ADGRL3: variants seen among roughly 807,000 people sequenced by gnomAD.
ADGRL3 encodes adhesion G protein-coupled receptor L3.
ADGRL3 carries 62 observed loss-of-function variants against 153.5 expected under a neutral mutation model. The ratio of observed to expected loss-of-function variants is 0.40; its 90% CI spans 0.33 to 0.50. ADGRL3 has a LOEUF of 0.50. Among genes scored for constraint, ADGRL3 ranks in the 20% least tolerant of loss-of-function variants. The pLI is 0.47. For missense variants in ADGRL3, 1,641 were observed against 1,859.4 expected (o/e 0.88, Z 2.16); for synonymous variants, 710 against 672.5 (o/e 1.06, Z -0.86).
chr4:61,793,781 CT>C (rs1234340738), intron 8 of ADGRL3, among the ~76,000 whole-genome samples: 1 of 152,046 alleles, frequency 6.6e-6, no homozygotes, highest in Non-Finnish European at 1.5e-5. Flanking sequence ...ATCCCTATTG[CT>C]TTTTTTATAA....
intron 1 of ADGRL3, among the ~76,000 whole-genome samples, chr4:61,362,168 A>G (rs2096293743): frequency 6.6e-6 from 1 of 150,764 alleles, no homozygotes; most frequent in Non-Finnish European, 1.5e-5. Flanking sequence ...ACGCCTGACT[A>G]ATTTTTGTAT....
intron 8 of ADGRL3, among the ~76,000 whole-genome samples, chr4:61,763,190 C>CT (rs771693851): frequency 0.021 from 2,856 of 137,212 alleles, 57 homozygotes; most frequent in African/African-American, 0.038. Context: ...AGTAACATTT[C>CT]TTTTTTTTTT....
At chr4:61,482,429 T>C (rs543957862) in intron 2 of ADGRL3, among the ~76,000 whole-genome samples, 191 of 152,328 alleles carry the variant, frequency 1.3e-3, no homozygotes, top group Non-Finnish European at 2.5e-3. Context: ...ACTTTATTTC[T>C]AGCCGGAGCC....
At chr4:61,632,107 A>G (rs770776845) in intron 5 of ADGRL3, among the ~76,000 whole-genome samples, 17 of 152,198 alleles carry the variant, frequency 1.1e-4, no homozygotes, top group South Asian at 4.1e-4. Context: ...GTCAATTGCT[A>G]TTAATTTTGA....
chr4:62,024,657 A>C (rs1455695193), intron 21 of ADGRL3, among the ~76,000 whole-genome samples: 1 of 152,036 alleles, frequency 6.6e-6, no homozygotes, highest in Non-Finnish European at 1.5e-5. Context: ...CAGGCTGGGC[A>C]CGGTAGCTCA....
At chr4:61,769,240 C>T (rs1056307696) in intron 8 of ADGRL3, among the ~76,000 whole-genome samples, 29 of 151,844 alleles carry the variant, frequency 1.9e-4, no homozygotes, top group Non-Finnish European at 2.8e-4. Flanking sequence ...TTTGGGTTCA[C>T]GGATAAAACA....
intron 5 of ADGRL3, among the ~76,000 whole-genome samples, chr4:61,625,553 C>A (rs560391240): frequency 6.6e-6 from 1 of 152,096 alleles, no homozygotes; most frequent in Admixed American, 6.6e-5. Context: ...ACAACCCTTA[C>A]CTAGATATTT....
chr4:61,979,625 C>G lies in ADGRL3; in HGVS notation c.2868C>G (p.Ser956=), dbSNP rs755995898. 19 of 1,613,760 alleles carry G rather than the reference C, an allele frequency of 1.2e-5. No homozygotes were observed. The South Asian group carries it at 2.0e-4, about 17-fold the overall frequency. Residue 956 remains serine, a synonymous_variant, in exon 18 of 27, where the codon TCC becomes TCG. Coordinates refer to ENST00000683033, the MANE Select transcript of ADGRL3 (RefSeq NM_001387552.1). The stretch of plus-strand genomic sequence containing the variant: ...TCACGTGGGTTGGAATTTTGCTGTC[C>G]CTTGTTTGTCTCCTGATTTGCATCT... ...DVITWVGILL[S]LVCLLICIFT... is the part of the protein sequence containing the mutation.
intron 2 of ADGRL3, among the ~76,000 whole-genome samples, chr4:61,413,490 G>C (rs1278557206): frequency 1.3e-5 from 2 of 152,106 alleles, no homozygotes; most frequent in African/African-American, 4.8e-5. Context: ...GAGGTGCCGG[G>C]GTTATAACCT....
intron 5 of ADGRL3, among the ~76,000 whole-genome samples, chr4:61,587,758 A>G (rs755029508): frequency 2.0e-5 from 3 of 152,120 alleles, no homozygotes. Context: ...ATTTGCAAAA[A>G]TAAGATTTTC....
Position 61,544,894 on chromosome 4 carries a change from A to T in ADGRL3, c.259+27376A>T, listed in dbSNP as rs969328719. On this transcript the variant is annotated intron_variant, in intron 4 of 26. Coordinates refer to ENST00000683033, the MANE Select transcript of ADGRL3 (RefSeq NM_001387552.1). ...CACTAACACTTTGCAATATGGCTTA[A>T]TACTTTCATTAACAAGTATTTTTTT... Among the ~76,000 whole-genome samples, 3 of 152,186 alleles carry T rather than the reference A, an allele frequency of 2.0e-5. No homozygotes were observed. In the South Asian group the frequency reaches 6.2e-4, roughly 31 times the overall value.
chr4:61,224,231 A>G lies in ADGRL3; in HGVS notation c.-240+22466A>G, dbSNP rs143820277. Among the ~76,000 whole-genome samples the G allele has an allele frequency of 7.6e-3, 1,161 of 152,228 alleles. 46 individuals carry two copies. The highest frequency in any genetic ancestry group is 0.05 in the Admixed American group (767 of 15,276). On this transcript the variant is annotated intron_variant, in intron 1 of 26. Transcript: ENST00000683033. ...CAACTTTAAATATGTTTATTTATCC[A>G]TAGCTAAAATTTGTTGGGTGAACTC...
intron 8 of ADGRL3, among the ~76,000 whole-genome samples, chr4:61,801,722 G>T (rs2097499921): frequency 6.6e-6 from 1 of 152,078 alleles, no homozygotes; most frequent in African/African-American, 2.4e-5. Flanking sequence ...AATATAACTT[G>T]TTTACAACTT....
intron 8 of ADGRL3, among the ~76,000 whole-genome samples, chr4:61,762,564 A>G (rs2096925658): frequency 6.6e-6 from 1 of 152,174 alleles, no homozygotes; most frequent in South Asian, 2.1e-4. Flanking sequence ...ATACTTATTT[A>G]TTTAACTAGT....
intron 4 of ADGRL3, among the ~76,000 whole-genome samples, chr4:61,519,456 C>T (rs1579304881): frequency 6.6e-6 from 1 of 152,052 alleles, no homozygotes; most frequent in Admixed American, 6.6e-5. Context: ...ATTTAAAAGG[C>T]GCTTACAGAA....
intron 9 of ADGRL3, among the ~76,000 whole-genome samples, chr4:61,840,879 G>A (rs2098020106): frequency 6.6e-6 from 1 of 152,094 alleles, no homozygotes; most frequent in Non-Finnish European, 1.5e-5. Context: ...TTGGGTTTTT[G>A]TTTGCTTGGT....
rs545233404 is a variant in ADGRL3 at position 61,382,631 on chromosome 4, A to G, written c.-239-493A>G. The stretch of plus-strand genomic sequence containing the variant: ...TTTATTTAGATTATTGTGAATAAAT[A>G]GATTACAGTATTTGTGTCTGTATAC... On this transcript the variant is annotated intron_variant, in intron 1 of 26. Coordinates refer to ENST00000683033, the MANE Select transcript of ADGRL3 (RefSeq NM_001387552.1). Among the ~76,000 whole-genome samples the G allele has an allele frequency of 2.6e-5, 4 of 151,902 alleles. No homozygotes were observed. The South Asian group carries it at 8.3e-4, about 31-fold the overall frequency.
chr4:61,508,525 CT>C lies in ADGRL3; in HGVS notation c.56-8789del, dbSNP rs972682521. Among the ~76,000 whole-genome samples, 37 of 152,148 alleles carry C rather than the reference CT, an allele frequency of 2.4e-4. 1 individual carries two copies. The highest frequency in any genetic ancestry group is 3.4e-3 in the Middle Eastern group (1 of 294). On this transcript the variant is annotated intron_variant, in intron 3 of 26. Coordinates refer to ENST00000683033, the MANE Select transcript of ADGRL3 (RefSeq NM_001387552.1). Reference sequence around the variant, plus strand: ...AGAGGTTTTTAAAAATTTTTTTAACCTACATATCTAAGCATATCTGGATCTT... The same window carrying C: ...AGAGGTTTTTAAAAATTTTTTTAACCACATATCTAAGCATATCTGGATCTT...
At chr4:61,663,108 CTCGG>C (rs1412473139) in intron 5 of ADGRL3, among the ~76,000 whole-genome samples, 2 of 152,170 alleles carry the variant, frequency 1.3e-5, no homozygotes, top group Non-Finnish European at 1.5e-5. Context: ...GGGACAAGAA[CTCGG>C]GACCCTCCAA....
Sources: gnomAD v4.1 joint callset for allele counts (sites outside exome capture counted in the v4.1 genomes callset) on GRCh38, gnomAD v4.1.1 for gene constraint, MANE v1.5 for transcripts, NCBI Gene and HGNC (gene_info 2026-07-23, HGNC 2026-07-21) for gene names.